SMARCA2: variants seen among roughly 807,000 people sequenced by gnomAD.
The protein encoded by SMARCA2 is SWI/SNF-related matrix-associated actin-dependent regulator of chromatin subfamily A member 2.
A neutral mutation model predicts 199.8 loss-of-function variants in SMARCA2; 61 were observed. The ratio of observed to expected loss-of-function variants is 0.31; its 90% confidence interval spans 0.25 to 0.38. The LOEUF (loss-of-function observed/expected upper bound fraction) is 0.38, where lower values mean the gene tolerates loss of function less well. Ranked by LOEUF, SMARCA2 falls within the 10% of genes least tolerant of loss-of-function variation. The pLI is 1.00. For missense variants in SMARCA2, 1,344 were observed against 2,012.2 expected (o/e 0.67, Z 6.35); for synonymous variants, 935 against 732.0 (o/e 1.28, Z -4.48).
At chr9:2,074,470 A>G (rs1416228067) in intron 12 of SMARCA2, among the ~76,000 whole-genome samples, 1 of 152,182 alleles carries the variant, frequency 6.6e-6, no homozygotes, top group Non-Finnish European at 1.5e-5. Flanking sequence ...TTTTCCTTCT[A>G]TTTGTGGACC....
At chr9:2,112,108 A>G (rs1283758779) in intron 24 of SMARCA2, among the ~76,000 whole-genome samples, 1 of 152,160 alleles carries the variant, frequency 6.6e-6, no homozygotes, top group African/African-American at 2.4e-5. Context: ...TTTTAGCATT[A>G]TGGATTCAGT....
chr9:2,087,136 T>A, intron 18 of SMARCA2, 65 bp downstream of exon 18: 1 of 1,591,760 alleles, frequency 6.3e-7, no homozygotes, highest in South Asian at 1.1e-5. Flanking sequence ...GCCCTAAAGC[T>A]GAGAACATTA....
At chr9:2,172,651 C>T (rs903048258) in intron 29 of SMARCA2, among the ~76,000 whole-genome samples, 2 of 152,024 alleles carry the variant, frequency 1.3e-5, no homozygotes, top group African/African-American at 4.8e-5. Flanking sequence ...TTGATGTACT[C>T]TTCTAGGAGT....
At chr9:2,180,129 G>A (rs1480155844) in intron 29 of SMARCA2, among the ~76,000 whole-genome samples, 1 of 152,126 alleles carries the variant, frequency 6.6e-6, no homozygotes, top group East Asian at 1.9e-4. Context: ...GAACACCTTG[G>A]TTCTTGCTGC....
At chr9:2,103,327 G>A (rs1208622156) in intron 22 of SMARCA2, among the ~76,000 whole-genome samples, 10 of 152,166 alleles carry the variant, frequency 6.6e-5, no homozygotes, top group Non-Finnish European at 1.5e-4. Context: ...AACCTTATTT[G>A]TAAAAACAGA....
intron 31 of SMARCA2, among the ~76,000 whole-genome samples, chr9:2,182,640 A>T (rs1827131550): frequency 6.6e-6 from 1 of 150,588 alleles, no homozygotes; most frequent in South Asian, 2.1e-4. Context: ...GATTACAGGC[A>T]CCCACCACCA....
intron 9 of SMARCA2, among the ~76,000 whole-genome samples, chr9:2,061,830 A>G (rs1235810701): frequency 2.0e-5 from 3 of 152,224 alleles, no homozygotes; most frequent in Admixed American, 6.5e-5. Flanking sequence ...AATTAATTTC[A>G]TGGCTCCTGA....
intron 14 of SMARCA2, among the ~76,000 whole-genome samples, chr9:2,080,702 T>G (rs934111946): frequency 2.0e-5 from 3 of 152,236 alleles, no homozygotes; most frequent in Non-Finnish European, 2.9e-5. Flanking sequence ...TTTGGAATCT[T>G]GCATGGTACA....
At chr9:2,160,769 C>CT (rs886727968) in intron 27 of SMARCA2, 101 of 395,134 alleles carry the variant, frequency 2.6e-4, no homozygotes, top group African/African-American at 1.5e-3. Flanking sequence ...ATTTAAAGAT[C>CT]TTTTTTTTAG....
chr9:2,124,259 GTCATGCC>G (rs1563784700), intron 27 of SMARCA2, among the ~76,000 whole-genome samples: 1 of 152,188 alleles, frequency 6.6e-6, no homozygotes, highest in Admixed American at 6.5e-5. Flanking sequence ...CAATTGCCTG[GTCATGCC>G]TCACTCTCTC....
rs114644415 is a variant in SMARCA2, at chr9:2,050,814, A to G, written c.1046+3330A>G. Among the ~76,000 whole-genome samples the G allele has an allele frequency of 5.1e-3, 773 of 152,332 alleles. 13 individuals are homozygous for G. Among genetic ancestry groups the G allele is most frequent in the African/African-American group, 0.018 (750 of 41,572 alleles). On this transcript the variant is annotated intron_variant, in intron 5 of 33. Transcript: ENST00000349721. The stretch of plus-strand genomic sequence containing the variant: ...TTTTCTGTTCAGATAACTCTCCTAC[A>G]GGAATCATAAACTTCTCCTCTGGAC...
intron 27 of SMARCA2, among the ~76,000 whole-genome samples, chr9:2,130,549 T>C (rs1422594840): frequency 1.3e-5 from 2 of 152,234 alleles, no homozygotes; most frequent in South Asian, 2.1e-4. Flanking sequence ...ATGGTTCTTT[T>C]AGAAAGTGTG....
At chr9:2,038,062 C>A (rs1819407634) in intron 3 of SMARCA2, among the ~76,000 whole-genome samples, 1 of 152,178 alleles carries the variant, frequency 6.6e-6, no homozygotes, top group African/African-American at 2.4e-5. Flanking sequence ...AGTTTACTCT[C>A]ATTTTTATGT....
rs1387166244 is a variant in SMARCA2, at chr9:2,016,786, C to T, written c.-37+1382C>T. Among the ~76,000 whole-genome samples the T allele has an allele frequency of 6.6e-6, 1 of 152,192 alleles. No homozygotes were observed. Among genetic ancestry groups the T allele is most frequent in the Non-Finnish European group, 1.5e-5 (1 of 68,016 alleles). Reference sequence around the variant, plus strand: ...CTCAGGAGTTTGCTTTATTCCCATCCCAACCTGGTTTACCCCTTCCTTTGC... The same window carrying T: ...CTCAGGAGTTTGCTTTATTCCCATCTCAACCTGGTTTACCCCTTCCTTTGC... On this transcript the variant is annotated intron_variant, in intron 1 of 33. Coordinates refer to ENST00000349721, the MANE Select transcript of SMARCA2 (RefSeq NM_003070.5). The surrounding 1 kb of genome is among the most constrained non-coding windows in gnomAD (Gnocchi z 5.6).
chr9:2,083,965 G>A (rs927640149), intron 16 of SMARCA2, 121 bp from the exon 17 acceptor site: 4 of 623,124 alleles, frequency 6.4e-6, no homozygotes, highest in Non-Finnish European at 1.2e-5. Flanking sequence ...ATCAGTCTAT[G>A]AGAATGTGTG....
intron 8 of SMARCA2, among the ~76,000 whole-genome samples, chr9:2,060,126 A>AAAAAAAAAAAC (rs1820521514): frequency 1.0e-5 from 1 of 96,198 alleles, no homozygotes; most frequent in African/African-American, 6.0e-5. Context: ...GCCAAAAAAA[A>AAAAAAAAAAAC]AAAAAAAAAA....
At chr9:2,190,605 G>A (rs1481565162) in intron 32 of SMARCA2, among the ~76,000 whole-genome samples, 1 of 151,018 alleles carries the variant, frequency 6.6e-6, no homozygotes, top group Non-Finnish European at 1.5e-5. Flanking sequence ...ATTCTATAGA[G>A]AGACTTTTAT....
intron 27 of SMARCA2, among the ~76,000 whole-genome samples, chr9:2,135,610 T>G (rs1824159634): frequency 6.6e-6 from 1 of 152,206 alleles, no homozygotes; most frequent in Admixed American, 6.5e-5. Context: ...GGTGCAATCT[T>G]GGCTCACTGC....
chr9:2,070,593 G>A lies in SMARCA2; in HGVS notation c.1746+122G>A, dbSNP rs1821047655. 14 of 684,182 alleles carry A rather than the reference G, an allele frequency of 2.0e-5. No individual in the cohort carries two copies. The Admixed American group carries it at 3.7e-4, about 18-fold the overall frequency. 42.4% of individuals were successfully genotyped at this position (684,182 alleles called of 1,614,324 possible). On this transcript the variant is annotated intron_variant, in intron 10 of 33. Coordinates refer to ENST00000349721, the MANE Select transcript of SMARCA2 (RefSeq NM_003070.5). The stretch of plus-strand genomic sequence containing the variant: ...GTGCTATTTATTTTAAGTAAAAATA[G>A]TAATACATTAGCATAGTAGAAAATT...
Sources: allele counts gnomAD v4.1 joint callset (sites outside exome capture counted in the v4.1 genomes callset), GRCh38; gene constraint gnomAD v4.1.1; non-coding constraint Gnocchi (gnomAD v3.1); transcripts MANE v1.5; gene names NCBI Gene and HGNC (gene_info 2026-07-23, HGNC 2026-07-21).